The following NTM variants were observed in gnomAD, a reference collection of about 807,000 sequenced individuals.
NTM encodes IgLON family member 2.
NTM carries 13 observed loss-of-function variants against 42.1 expected under a neutral mutation model. That is an observed-to-expected ratio of 0.31 (90% CI 0.20 to 0.49). The LOEUF is 0.49. Ranked by LOEUF, NTM falls within the 20% of genes least tolerant of loss-of-function variation. NTM has a pLI of 0.99. For missense variants in NTM, 373 were observed against 452.8 expected, an observed-to-expected ratio of 0.82 and a Z score of 1.60; for synonymous variants, 187 against 179.2, an observed-to-expected ratio of 1.04 and a Z score of -0.35.
rs578111365 is a variant in NTM at position 132,152,832 on chromosome 11, C to T, written c.400+6318C>T. ...GACTAAAGTAATCTCAGAAAAATGC[C>T]AGAGGAAAAGTTATATTCATTGAAT... On this transcript the variant is annotated intron_variant, in intron 3 of 8. Coordinates refer to ENST00000683400, the MANE Select transcript of NTM (RefSeq NM_001352005.2). Among the ~76,000 whole-genome samples, 3 of 152,294 alleles carry T rather than the reference C, an allele frequency of 2.0e-5. No individual in the cohort carries two copies. In the East Asian group the frequency reaches 5.8e-4, roughly 29 times the overall value.
intron 2 of NTM, among the ~76,000 whole-genome samples, chr11:131,991,776 T>C (rs1461936792): frequency 6.6e-6 from 1 of 152,136 alleles, no homozygotes; most frequent in African/African-American, 2.4e-5. Context: ...ATTCTGGACA[T>C]GTACCTGCCA....
intron 1 of NTM, among the ~76,000 whole-genome samples, chr11:131,488,639 T>A (rs1264751366): frequency 6.6e-6 from 1 of 152,208 alleles, no homozygotes; most frequent in Non-Finnish European, 1.5e-5. Flanking sequence ...AGGCCTTTTT[T>A]TGGCCAGTCC....
chr11:131,821,189 T>C (rs2093171764), intron 1 of NTM, among the ~76,000 whole-genome samples: 1 of 152,184 alleles, frequency 6.6e-6, no homozygotes, highest in Non-Finnish European at 1.5e-5. Context: ...GGTCTCCCAC[T>C]ATCCCAGGTA....
chr11:131,541,137 G>A (rs1222844901), intron 1 of NTM, among the ~76,000 whole-genome samples: 5 of 152,158 alleles, frequency 3.3e-5, no homozygotes, highest in African/African-American at 9.7e-5. Context: ...GTCTAAAGGA[G>A]GCCATGTCCA....
intron 1 of NTM, among the ~76,000 whole-genome samples, chr11:131,513,880 C>T (rs2048560456): frequency 6.6e-6 from 1 of 152,072 alleles, no homozygotes; most frequent in Admixed American, 6.5e-5. Flanking sequence ...TGGGAAGTGG[C>T]TTTCCAGGGT....
intron 4 of NTM, among the ~76,000 whole-genome samples, chr11:132,216,188 C>T (rs1025764543): frequency 1.3e-5 from 2 of 152,234 alleles, no homozygotes; most frequent in African/African-American, 4.8e-5. Flanking sequence ...TAAATAGAAG[C>T]ATGATCTCTT....
At chr11:131,960,896 A>T (rs188833867) in intron 2 of NTM, among the ~76,000 whole-genome samples, 1 of 152,266 alleles carries the variant, frequency 6.6e-6, no homozygotes. Flanking sequence ...AGGAGGGTCA[A>T]TATTGCTTTT....
intron 1 of NTM, among the ~76,000 whole-genome samples, chr11:131,833,126 G>A (rs1044199310): frequency 2.6e-5 from 4 of 152,066 alleles, no homozygotes; most frequent in African/African-American, 7.2e-5. Flanking sequence ...TTTATGTATC[G>A]TTCTGACCAC....
intron 1 of NTM, among the ~76,000 whole-genome samples, chr11:131,773,747 A>C (rs1160063738): frequency 2.0e-5 from 3 of 152,226 alleles, no homozygotes; most frequent in Non-Finnish European, 4.4e-5. Flanking sequence ...CTAAAGTCAC[A>C]TACTGTCTTG....
chr11:132,004,678 C>G (rs894529202), intron 2 of NTM, among the ~76,000 whole-genome samples: 5 of 151,372 alleles, frequency 3.3e-5, no homozygotes, highest in Non-Finnish European at 7.4e-5. Flanking sequence ...CACATAGACA[C>G]ATACACAGGT....
rs1367144843 is a variant in NTM, at chr11:132,003,758, TAC to T, written c.167+92114_167+92115del. Reference sequence around the variant, plus strand: ...CCTCCTTAATTGCCTCCTTGGAATCTACACAGAGAAATCCCTGAGCTTTACTT... The same window carrying T: ...CCTCCTTAATTGCCTCCTTGGAATCTACAGAGAAATCCCTGAGCTTTACTT... On this transcript the variant is annotated intron_variant, in intron 2 of 8. Transcript: ENST00000683400. This position sits in a 1 kb window ranked among gnomAD's most constrained non-coding sequence, Gnocchi z 6.0. 6.6e-6 allele frequency among the ~76,000 whole-genome samples: 1 copy of T among 152,230 alleles called. No individual in the cohort carries two copies. The highest frequency in any genetic ancestry group is 1.5e-5 in the Non-Finnish European group (1 of 68,038).
At chr11:131,432,734 C>A (rs532025399) in intron 1 of NTM, among the ~76,000 whole-genome samples, 1 of 151,634 alleles carries the variant, frequency 6.6e-6, no homozygotes, top group Non-Finnish European at 1.5e-5. Flanking sequence ...CAGCTCTCAC[C>A]TGTTTATTTG....
chr11:131,714,048 A>T (rs2077434784), intron 1 of NTM, among the ~76,000 whole-genome samples: 1 of 152,114 alleles, frequency 6.6e-6, no homozygotes, highest in Admixed American at 6.5e-5. Context: ...TTCTTCCCTT[A>T]CTGGTCGAGT....
intron 2 of NTM, among the ~76,000 whole-genome samples, chr11:131,993,551 A>T (rs957790634): frequency 6.6e-6 from 1 of 152,210 alleles, no homozygotes; most frequent in African/African-American, 2.4e-5. Context: ...TGAGCTAAAG[A>T]TAATGCTTTT....
At chr11:131,736,318 C>G (rs2080432576) in intron 1 of NTM, among the ~76,000 whole-genome samples, 1 of 152,194 alleles carries the variant, frequency 6.6e-6, no homozygotes, top group African/African-American at 2.4e-5. Context: ...TTCACACAGT[C>G]ATGGGCACCT....
At chr11:131,541,606 G>A (rs376953517) in intron 1 of NTM, among the ~76,000 whole-genome samples, 2 of 152,182 alleles carry the variant, frequency 1.3e-5, no homozygotes, top group Non-Finnish European at 2.9e-5. Flanking sequence ...GTCAATTCAC[G>A]TGTCCTGTCT....
At chr11:131,417,032 T>G (rs892606892) in intron 1 of NTM, among the ~76,000 whole-genome samples, 1 of 152,208 alleles carries the variant, frequency 6.6e-6, no homozygotes, top group African/African-American at 2.4e-5. Context: ...AATGAGGATA[T>G]TTGTAGAATT....
rs1159450181 is a variant in NTM at position 132,336,677 on chromosome 11, T to A, written c.*1531T>A. ...AATGCAATTTTTAGGTAATCTTTTT[T>A]TTTTTTCCCCTCCCCTGAAAGTCTG... On this transcript the variant is annotated 3_prime_UTR_variant, in exon 9 of 9. Coordinates refer to ENST00000683400, the MANE Select transcript of NTM (RefSeq NM_001352005.2). 1 of 152,498 alleles carries A rather than the reference T, an allele frequency of 6.6e-6. No homozygotes were observed. The allele number at this position is 152,498 out of a possible 1,614,324, so 9.4% of individuals were successfully genotyped here. A position where few individuals can be genotyped will look rare whatever the true frequency, so the allele number is the denominator to read the frequency against.
At chr11:131,541,407 C>T (rs1332818229) in intron 1 of NTM, among the ~76,000 whole-genome samples, 1 of 152,122 alleles carries the variant, frequency 6.6e-6, no homozygotes, top group African/African-American at 2.4e-5. Flanking sequence ...TCAGAGTTTC[C>T]TGGGTTACTT....
Sources: allele counts gnomAD v4.1 joint callset (sites outside exome capture counted in the v4.1 genomes callset), GRCh38; gene constraint gnomAD v4.1.1; non-coding constraint Gnocchi (gnomAD v3.1); transcripts MANE v1.5; gene names NCBI Gene and HGNC (gene_info 2026-07-23, HGNC 2026-07-21).